The following ZNF148 variants were observed in gnomAD, a reference collection of about 807,000 sequenced individuals.
ZNF148 encodes the protein Beta-Enolase Repressor Factor-1.
Under a neutral mutation model 67.7 loss-of-function variants are expected in ZNF148, and 7 were observed. The observed-to-expected ratio is 0.10, with a 90% CI of 0.06 to 0.19. ZNF148 has a LOEUF of 0.19. ZNF148 is among the 10% of genes least tolerant of loss of function. The pLI is 1.00. For missense variants in ZNF148, 583 were observed against 947.1 expected (o/e 0.62, Z 5.05); for synonymous variants, 333 against 330.7 (o/e 1.01, Z -0.08).
At chr3:125,373,570 C>G (rs1942961234) in intron 1 of ZNF148, among the ~76,000 whole-genome samples, 1 of 152,034 alleles carries the variant, frequency 6.6e-6, no homozygotes, top group African/African-American at 2.4e-5. Context: ...GCTCTAGAGT[C>G]GTCCAGTCTC....
At chr3:125,361,741 G>A (rs1256518192) in intron 1 of ZNF148, among the ~76,000 whole-genome samples, 3 of 151,892 alleles carry the variant, frequency 2.0e-5, no homozygotes, top group African/African-American at 7.3e-5. Context: ...GTTGAGGCAG[G>A]AGAATCACTT....
chr3:125,315,375 C>T (rs1473822741), intron 3 of ZNF148, among the ~76,000 whole-genome samples: 1 of 151,822 alleles, frequency 6.6e-6, no homozygotes, highest in Admixed American at 6.6e-5. Flanking sequence ...TAGAAACAAC[C>T]ATTAAATATA....
In ZNF148 at chr3:125,304,417, G is replaced by A. The variant is rs186491288; in HGVS notation, c.333+8891C>T. On this transcript the variant is annotated intron_variant, in intron 4 of 8. Transcript: ENST00000360647. ...TAAGTAAGAGTGCCATAAGGAGGGGGTCTGCTTGGTGCTAAGGTCTAGTTC... is the reference window on the plus strand; with the variant it reads ...TAAGTAAGAGTGCCATAAGGAGGGGATCTGCTTGGTGCTAAGGTCTAGTTC... Among the ~76,000 whole-genome samples, 3 of 152,250 alleles carry A rather than the reference G, an allele frequency of 2.0e-5. No homozygotes were observed. In the East Asian group the frequency reaches 5.8e-4, roughly 29 times the overall value.
intron 1 of ZNF148, among the ~76,000 whole-genome samples, chr3:125,372,510 A>G (rs1229709600): frequency 6.6e-6 from 1 of 152,234 alleles, no homozygotes; most frequent in Non-Finnish European, 1.5e-5. Flanking sequence ...ATAAATCAAG[A>G]AATAATATTA....
At position 125,234,265 on chromosome 3, in the gene ZNF148, C is replaced by T. The variant is rs775674823; in HGVS notation, c.732G>A (p.Arg244=). 3.7e-6 allele frequency: 6 copies of T among 1,611,712 alleles called. No homozygotes were observed. The highest frequency in any genetic ancestry group is 2.2e-5 in the East Asian group (1 of 44,748). Residue 244 remains arginine (R), a synonymous_variant, in exon 8 of 9, where the codon AGG becomes AGA. Transcript: ENST00000360647. ...MRFIQKYHME[R]HKRTHSGEKP... is the part of the protein sequence containing the mutation. Reference sequence around the variant, plus strand: ...TTTCTCCACTATGAGTTCTCTTATGCCTTTCCATATGATATTTTTGTATGA... The same window carrying T: ...TTTCTCCACTATGAGTTCTCTTATGTCTTTCCATATGATATTTTTGTATGA...
chr3:125,248,318 C>A, intron 7 of ZNF148, among the ~76,000 whole-genome samples: 1 of 152,100 alleles, frequency 6.6e-6, no homozygotes, highest in Non-Finnish European at 1.5e-5. Flanking sequence ...ATATAAGCCC[C>A]CCAATTTCCA....
chr3:125,307,431 T>C (rs1405385641), intron 4 of ZNF148, among the ~76,000 whole-genome samples: 1 of 151,812 alleles, frequency 6.6e-6, no homozygotes, highest in Non-Finnish European at 1.5e-5. Flanking sequence ...AGCCTCCGAG[T>C]AGCTGGGACC....
At chr3:125,276,392 T>C (rs1267754059) in intron 7 of ZNF148, among the ~76,000 whole-genome samples, 1 of 152,086 alleles carries the variant, frequency 6.6e-6, no homozygotes, top group Admixed American at 6.5e-5. Context: ...CATACAGACA[T>C]GTTGCACAGT....
chr3:125,292,817 T>C (rs1358771281), intron 4 of ZNF148: 1 of 152,126 alleles, frequency 6.6e-6, no homozygotes, highest in Admixed American at 6.5e-5. Context: ...ACTTTCACAA[T>C]AGTAGCTGCT....
chr3:125,317,660 T>TAGAGAGAGAGAGAG (rs66600598), intron 3 of ZNF148, among the ~76,000 whole-genome samples: 1,550 of 62,046 alleles, frequency 0.025, 21 homozygotes, highest in Non-Finnish European at 0.035. Context: ...TATATATATA[T>TAGAGAGAGAGAGAG]ATAGAGAGAG....
chr3:125,256,433 T>A (rs2107560725), intron 7 of ZNF148, among the ~76,000 whole-genome samples: 1 of 151,768 alleles, frequency 6.6e-6, no homozygotes, highest in East Asian at 1.9e-4. Context: ...TCCCAGCACT[T>A]TGGGAGGTCA....
At chr3:125,236,133 A>G (rs930301871) in intron 7 of ZNF148, among the ~76,000 whole-genome samples, 7 of 152,130 alleles carry the variant, frequency 4.6e-5, no homozygotes, top group African/African-American at 1.4e-4. Flanking sequence ...ATTATTTTGC[A>G]TATCTCTATT....
chr3:125,331,331 T>G, intron 1 of ZNF148, 93 bp from the exon 2 acceptor site: 1 of 396,818 alleles, frequency 2.5e-6, no homozygotes, highest in Non-Finnish European at 4.4e-6. Context: ...CATTTAAGTG[T>G]CCTAAGTCTA....
intron 7 of ZNF148, among the ~76,000 whole-genome samples, chr3:125,251,077 A>G (rs950704682): frequency 6.6e-6 from 1 of 152,202 alleles, no homozygotes; most frequent in Non-Finnish European, 1.5e-5. Context: ...CTAGAGTGTA[A>G]CAGTCATAGA....
chr3:125,236,918 A>G (rs966961583), intron 7 of ZNF148, among the ~76,000 whole-genome samples: 8 of 152,226 alleles, frequency 5.3e-5, no homozygotes, highest in Non-Finnish European at 1.2e-4. Flanking sequence ...TACAGAAAGG[A>G]AATATTGAAG....
chr3:125,366,859 T>C (rs1394085450), intron 1 of ZNF148, among the ~76,000 whole-genome samples: 1 of 152,200 alleles, frequency 6.6e-6, no homozygotes, highest in Non-Finnish European at 1.5e-5. Context: ...AAAAATCTTA[T>C]CAATCCCTTC....
chr3:125,345,960 G>GA (rs1941926186), intron 1 of ZNF148, among the ~76,000 whole-genome samples: 1 of 152,124 alleles, frequency 6.6e-6, no homozygotes, highest in African/African-American at 2.4e-5. Context: ...AACTTGGGGA[G>GA]AATATTCTTC....
intron 7 of ZNF148, among the ~76,000 whole-genome samples, chr3:125,256,780 G>A (rs747154046): frequency 5.9e-5 from 9 of 152,174 alleles, no homozygotes; most frequent in Non-Finnish European, 1.2e-4. Flanking sequence ...CTACCCTTGA[G>A]AGAAGTGAGG....
intron 5 of ZNF148, among the ~76,000 whole-genome samples, chr3:125,285,791 T>C (rs1311716312): frequency 2.0e-5 from 3 of 152,184 alleles, no homozygotes; most frequent in African/African-American, 7.2e-5. Flanking sequence ...CATTCTCTTA[T>C]ACGCACTATA....
Sources: gnomAD v4.1 joint callset for allele counts (sites outside exome capture counted in the v4.1 genomes callset) on GRCh38, gnomAD v4.1.1 for gene constraint, MANE v1.5 for transcripts, NCBI Gene and HGNC (gene_info 2026-07-23, HGNC 2026-07-21) for gene names.